ARHGEF3: variants seen among roughly 807,000 people sequenced by gnomAD.
ARHGEF3 encodes the protein 59.8 kDA protein.
ARHGEF3 carries 28 observed loss-of-function variants against 63.2 expected under a neutral mutation model. The observed-to-expected ratio is 0.44, with a 90% CI of 0.33 to 0.61. ARHGEF3 has a LOEUF of 0.61. Among genes scored for constraint, ARHGEF3 ranks in the 20% least tolerant of loss-of-function variants. ARHGEF3 has a pLI of 0.03. For missense variants in ARHGEF3, 533 were observed against 659.3 expected, an observed-to-expected ratio of 0.81 and a Z score of 2.10; for synonymous variants, 266 against 254.2, an observed-to-expected ratio of 1.05 and a Z score of -0.44.
rs373883575 is a variant in ARHGEF3, at chr3:56,792,113, A to AAAAAG, written c.96+9585_96+9589dup. On this transcript the variant is annotated intron_variant, in intron 1 of 9. Coordinates refer to ENST00000296315, the MANE Select transcript of ARHGEF3 (RefSeq NM_019555.3). ...AGTGAGACTCTGTCTCAAAAAAAAAAAAAAGAAAAGAAAAGAAAAGAAAAG... is the reference window on the plus strand; with the variant it reads ...AGTGAGACTCTGTCTCAAAAAAAAAAAAAAGAAAAGAAAAGAAAAGAAAAGAAAAG... Among the ~76,000 whole-genome samples, 1,054 of 139,908 alleles carry AAAAAG rather than the reference A, an allele frequency of 7.5e-3. 10 individuals are homozygous for AAAAAG. The highest frequency in any genetic ancestry group is 0.017 in the African/African-American group (581 of 33,680). The allele number at this position is 139,908 out of a possible 152,430, so 91.8% of individuals were successfully genotyped here.
At chr3:57,002,457 A>AT (rs1560122570) in intron 2 of ARHGEF3, among the ~76,000 whole-genome samples, 18 of 19,168 alleles carry the variant, frequency 9.4e-4, no homozygotes, top group Middle Eastern at 0.033. Flanking sequence ...GCACTGTTCT[A>AT]AGCACTATAT....
chr3:56,734,199 G>A (rs2033439808), intron 8 of ARHGEF3, among the ~76,000 whole-genome samples: 1 of 152,068 alleles, frequency 6.6e-6, no homozygotes, highest in East Asian at 1.9e-4. Flanking sequence ...AATGCTAAGT[G>A]CCAGACTCTT....
chr3:56,727,606 AT>A lies in ARHGEF3; in HGVS notation c.*1663del, dbSNP rs1440983721. The A allele has an allele frequency of 2.6e-5, 4 of 152,666 alleles. No individual in the cohort carries two copies. Among genetic ancestry groups the A allele is most frequent in the Admixed American group, 6.5e-5 (1 of 15,280 alleles). The allele number at this position is 152,666 out of a possible 1,614,324, so 9.5% of individuals were successfully genotyped here. A position where few individuals can be genotyped will look rare whatever the true frequency, so the allele number is the denominator to read the frequency against. ...TGATGGCGCCTACAAAGAATCATTC[AT>A]TCTTTTCTTCACCAATAAAGGCTGT... On this transcript the variant is annotated 3_prime_UTR_variant, in exon 10 of 10. Coordinates refer to ENST00000296315, the MANE Select transcript of ARHGEF3 (RefSeq NM_019555.3).
intron 3 of ARHGEF3, among the ~76,000 whole-genome samples, chr3:56,953,993 G>T (rs1172538425): frequency 2.0e-5 from 3 of 152,046 alleles, no homozygotes; most frequent in Non-Finnish European, 4.4e-5. Flanking sequence ...TAATATACAA[G>T]GTCTCATTTT....
intron 4 of ARHGEF3, among the ~76,000 whole-genome samples, chr3:56,837,931 A>T (rs761312579): frequency 2.6e-5 from 4 of 152,224 alleles, no homozygotes; most frequent in Non-Finnish European, 5.9e-5. Flanking sequence ...CTAAATGTGG[A>T]AGTAGCCATG....
At chr3:57,052,212 G>A (rs1704704311) in intron 1 of ARHGEF3, among the ~76,000 whole-genome samples, 1 of 152,192 alleles carries the variant, frequency 6.6e-6, no homozygotes, top group Non-Finnish European at 1.5e-5. Context: ...TTGTTCTTGT[G>A]CCTCTCACCC....
At chr3:56,774,447 C>T (rs1044975795) in intron 1 of ARHGEF3, among the ~76,000 whole-genome samples, 3 of 152,134 alleles carry the variant, frequency 2.0e-5, no homozygotes, top group Non-Finnish European at 4.4e-5. Context: ...AAAAGCCCTA[C>T]CACGGACATC....
intron 6 of ARHGEF3, among the ~76,000 whole-genome samples, chr3:56,747,094 G>C (rs570910274): frequency 2.2e-5 from 3 of 138,676 alleles, no homozygotes; most frequent in Admixed American, 2.1e-4. Flanking sequence ...GAGAGAGAGA[G>C]AGAACCCAAA....
At chr3:56,973,164 C>A (rs548093739) in intron 2 of ARHGEF3, among the ~76,000 whole-genome samples, 1 of 152,014 alleles carries the variant, frequency 6.6e-6, no homozygotes, top group Admixed American at 6.6e-5. Context: ...CTACAGGCAC[C>A]CGCCACCACG....
At chr3:56,752,389 C>G (rs9875886) in intron 4 of ARHGEF3, among the ~76,000 whole-genome samples, 8 of 152,176 alleles carry the variant, frequency 5.3e-5, no homozygotes, top group African/African-American at 1.9e-4. Context: ...AAAAACCAGA[C>G]TGATGTCACA....
At chr3:56,986,979 T>C (rs569732352) in intron 2 of ARHGEF3, among the ~76,000 whole-genome samples, 1 of 152,016 alleles carries the variant, frequency 6.6e-6, no homozygotes, top group Non-Finnish European at 1.5e-5. Flanking sequence ...TGGGAGGCCA[T>C]GATGGGAGGA....
chr3:56,922,606 A>G (rs573034246), intron 3 of ARHGEF3, among the ~76,000 whole-genome samples: 15 of 152,350 alleles, frequency 9.8e-5, no homozygotes, highest in African/African-American at 3.6e-4. Context: ...AAAATATATA[A>G]CAAAAGCAAG....
intron 2 of ARHGEF3, among the ~76,000 whole-genome samples, chr3:56,756,348 G>A (rs1268436953): frequency 6.6e-6 from 1 of 152,030 alleles, no homozygotes; most frequent in Non-Finnish European, 1.5e-5. Flanking sequence ...CCTCATCTTG[G>A]CACAGGAAGT....
intron 2 of ARHGEF3, among the ~76,000 whole-genome samples, chr3:56,770,962 A>C (rs2035974048): frequency 6.6e-6 from 1 of 152,090 alleles, no homozygotes; most frequent in Non-Finnish European, 1.5e-5. Context: ...AAATACAAAA[A>C]ATTAGCCAGG....
chr3:56,978,402 T>C (rs1701202852), intron 2 of ARHGEF3, among the ~76,000 whole-genome samples: 1 of 152,238 alleles, frequency 6.6e-6, no homozygotes, highest in Non-Finnish European at 1.5e-5. Flanking sequence ...GACATGTACA[T>C]TTTTGTAATA....
In ARHGEF3 at chr3:56,996,784, C is replaced by T. The variant is rs557794385; in HGVS notation, c.63-37895G>A. On this transcript the variant is annotated intron_variant, in intron 2 of 12. Transcript: ENST00000338458. ...GCACAGCTATGCAGACCCTATAGCC[C>T]AAGCTTGTGCAACCTGTGGCCCGCA... Among the ~76,000 whole-genome samples, 3 of 152,260 alleles carry T rather than the reference C, an allele frequency of 2.0e-5. No homozygotes were observed. The East Asian group carries it at 5.8e-4, about 29-fold the overall frequency.
intron 2 of ARHGEF3, among the ~76,000 whole-genome samples, chr3:56,985,442 T>G (rs1335840149): frequency 6.6e-6 from 1 of 152,270 alleles, no homozygotes; most frequent in African/African-American, 2.4e-5. Context: ...AAATCACTGC[T>G]GCTCAGACTG....
At chr3:57,061,352 C>G (rs1705214570) in intron 1 of ARHGEF3, among the ~76,000 whole-genome samples, 1 of 152,076 alleles carries the variant, frequency 6.6e-6, no homozygotes, top group Admixed American at 6.6e-5. Flanking sequence ...GGCAGGAGTA[C>G]AGTGGCACGA....
chr3:57,074,135 G>A (rs138025560), intron 1 of ARHGEF3: 195 of 1,613,968 alleles, frequency 1.2e-4, no homozygotes, highest in Non-Finnish European at 1.6e-4. Flanking sequence ...TGTGGAGACT[G>A]TGTGAGGATA....
Sources: allele counts gnomAD v4.1 joint callset (sites outside exome capture counted in the v4.1 genomes callset), GRCh38; gene constraint gnomAD v4.1.1; transcripts MANE v1.5; gene names NCBI Gene and HGNC (gene_info 2026-07-23, HGNC 2026-07-21).